The following TASOR2 variants were observed in gnomAD, a reference collection of about 807,000 sequenced individuals.
TASOR2 encodes the protein transcription activation suppressor family member 2.
In TASOR2, 84 loss-of-function variants were observed where a neutral mutation model predicts 199.5. The ratio of observed to expected loss-of-function variants is 0.42; its 90% confidence interval spans 0.35 to 0.50. TASOR2 has a LOEUF of 0.50. TASOR2 is among the 20% of genes least tolerant of loss of function. The pLI is 0.02. For synonymous variants in TASOR2, 1,103 were observed against 1,046.6 expected, an observed-to-expected ratio of 1.05 and a Z score of -1.04; for missense variants, 2,796 against 2,835.9, an observed-to-expected ratio of 0.99 and a Z score of 0.32.
intron 17 of TASOR2, among the ~76,000 whole-genome samples, chr10:5,758,413 T>C (rs2131657913): frequency 6.6e-6 from 1 of 152,238 alleles, no homozygotes; most frequent in South Asian, 2.1e-4. Flanking sequence ...TGGTAGTGTG[T>C]GCCTGTAGTC....
chr10:5,752,191 G>A lies in TASOR2; in HGVS notation c.6606+2164G>A, dbSNP rs1838149931. Among the ~76,000 whole-genome samples, 1 of 152,196 alleles carries A rather than the reference G, an allele frequency of 6.6e-6. No homozygotes were observed. The highest frequency in any genetic ancestry group is 6.5e-5 in the Admixed American group (1 of 15,282). On this transcript the variant is annotated intron_variant, in intron 15 of 20. Transcript: ENST00000328090. The surrounding 1 kb of genome is among the most constrained non-coding windows in gnomAD (Gnocchi z 4.4). ...CCCAACATGTGCAGGTGGGGGGGAT[G>A]TTGCTTTTTTGTCATGATTCTTATA...
chr10:5,722,874 G>A lies in TASOR2; in HGVS notation c.147-803G>A, dbSNP rs1308281305. 6.6e-6 allele frequency among the ~76,000 whole-genome samples: 1 copy of A among 151,332 alleles called. No homozygotes were observed. Among genetic ancestry groups the A allele is most frequent in the Non-Finnish European group, 1.5e-5 (1 of 67,868 alleles). ...AATACAAAAATTAGCTGGGCATGGT[G>A]CGGCATGCTTGTAATCCCAGCTATT... On this transcript the variant is annotated intron_variant, in intron 6 of 20. Coordinates refer to ENST00000328090, the Ensembl canonical transcript of TASOR2. This position sits in a 1 kb window ranked among gnomAD's most constrained non-coding sequence, Gnocchi z 4.0.
chr10:5,706,671 A>G lies in TASOR2; in HGVS notation c.-287-6152A>G, dbSNP rs1202046694. ...CGGTATAAGGAAAGAACTTGACTAC[A>G]CAGTATGGCTCAGCAATGATTAATA... On this transcript the variant is annotated intron_variant, in intron 1 of 20. Coordinates refer to ENST00000328090, the Ensembl canonical transcript of TASOR2. This position sits in a 1 kb window ranked among gnomAD's most constrained non-coding sequence, Gnocchi z 4.8. 6.6e-6 allele frequency among the ~76,000 whole-genome samples: 1 copy of G among 152,242 alleles called. No homozygotes were observed. The highest frequency in any genetic ancestry group is 1.5e-5 in the Non-Finnish European group (1 of 68,040).
At chr10:5,692,168 A>C (rs1836513398) in intron 1 of TASOR2, among the ~76,000 whole-genome samples, 5 of 150,368 alleles carry the variant, frequency 3.3e-5, no homozygotes, top group East Asian at 2.0e-4. Flanking sequence ...AAAAAAAGCC[A>C]TATTCATTAT....
At chr10:5,749,749 C>G in exon 15 of TASOR2, 1 of 1,614,190 alleles carries the variant, frequency 6.2e-7, no homozygotes, top group Non-Finnish European at 8.5e-7. Flanking sequence ...TGATATTTCA[C>G]TTATTCTCAA....
chr10:5,756,920 A>G (rs933924166), intron 16 of TASOR2, among the ~76,000 whole-genome samples, 182 bp downstream of exon 17: 1 of 152,222 alleles, frequency 6.6e-6, no homozygotes, highest in African/African-American at 2.4e-5. Flanking sequence ...TGTAGGGCAG[A>G]TGGTTAAAAA....
At chr10:5,727,631 A>G (rs963467008) in intron 10 of TASOR2, among the ~76,000 whole-genome samples, 11 of 152,188 alleles carry the variant, frequency 7.2e-5, no homozygotes, top group East Asian at 3.9e-4. Flanking sequence ...TTGGAGGTCA[A>G]TATGGGGGAA....
intron 14 of TASOR2, among the ~76,000 whole-genome samples, chr10:5,744,501 C>T (rs1461500189): frequency 1.3e-5 from 2 of 152,058 alleles, no homozygotes; most frequent in Non-Finnish European, 1.5e-5. Flanking sequence ...CAGGGTTTCA[C>T]CATGTTGGCC....
chr10:5,687,995 T>C lies in TASOR2; in HGVS notation c.-288+2820T>C, dbSNP rs1279300163. 1.3e-5 allele frequency among the ~76,000 whole-genome samples: 2 copies of C among 152,226 alleles called. No individual in the cohort carries two copies. The highest frequency in any genetic ancestry group is 2.9e-5 in the Non-Finnish European group (2 of 68,042). On this transcript the variant is annotated intron_variant, in intron 1 of 20. Transcript: ENST00000328090. This position sits in a 1 kb window ranked among gnomAD's most constrained non-coding sequence, Gnocchi z 4.8. The stretch of plus-strand genomic sequence containing the variant: ...ATCTCCCCAAAATTAGTGACAAGAA[T>C]GGGATTTTTGTACATTTTTGCAAAT...
In TASOR2 at chr10:5,740,924, A is replaced by G. The variant is rs958587818; in HGVS notation, c.2327+427A>G. Among the ~76,000 whole-genome samples, 1 of 152,242 alleles carries G rather than the reference A, an allele frequency of 6.6e-6. No individual in the cohort carries two copies. The highest frequency in any genetic ancestry group is 1.5e-5 in the Non-Finnish European group (1 of 68,036). ...GATTGATAGGAGTAAGCAGTTTCAC[A>G]TAAGATTGTTCTATAGATCTCCCTT... On this transcript the variant is annotated intron_variant, in intron 13 of 20. Transcript: ENST00000328090. The surrounding 1 kb of genome is among the most constrained non-coding windows in gnomAD (Gnocchi z 5.3).
At position 5,754,887 on chromosome 10, in the gene TASOR2, C is replaced by T. The variant is rs1238556014; in HGVS notation, c.6607-1726C>T. Among the ~76,000 whole-genome samples, 3 of 151,164 alleles carry T rather than the reference C, an allele frequency of 2.0e-5. No individual in the cohort carries two copies. The highest frequency in any genetic ancestry group is 2.1e-4 in the South Asian group (1 of 4,734). ...TGAAACCCCATCTCTACTAAAAATA[C>T]AAAAAGAAATTAGCTGGGCGTGGTG... is the stretch of plus-strand genomic sequence containing the variant. On this transcript the variant is annotated intron_variant, in intron 15 of 20. Transcript: ENST00000328090. The surrounding 1 kb of genome is among the most constrained non-coding windows in gnomAD (Gnocchi z 4.3).
Position 5,754,819 on chromosome 10 carries a change from G to T in TASOR2, c.6607-1794G>T, listed in dbSNP as rs1299614746. Among the ~76,000 whole-genome samples the T allele has an allele frequency of 6.6e-6, 1 of 151,864 alleles. No individual in the cohort carries two copies. Among genetic ancestry groups the T allele is most frequent in the Non-Finnish European group, 1.5e-5 (1 of 67,944 alleles). On this transcript the variant is annotated intron_variant, in intron 15 of 20. Transcript: ENST00000328090. This position sits in a 1 kb window ranked among gnomAD's most constrained non-coding sequence, Gnocchi z 4.3. ...AGCACTTTGGGAGGCCGAGGTGGGC[G>T]GATCACAAGGTCAGGAGATTGAGAC...
chr10:5,729,897 G>T (rs1588768728), intron 10 of TASOR2, among the ~76,000 whole-genome samples: 2 of 152,232 alleles, frequency 1.3e-5, no homozygotes, highest in Middle Eastern at 3.4e-3. Flanking sequence ...CAAAGCAGGA[G>T]AGGAGGTGAA....
exon 15 of TASOR2, chr10:5,749,050 C>A: frequency 6.2e-7 from 1 of 1,614,160 alleles, no homozygotes; most frequent in Non-Finnish European, 8.5e-7. Flanking sequence ...CAACAACAAC[C>A]AAGAGGACTG....
intron 17 of TASOR2, among the ~76,000 whole-genome samples, chr10:5,758,486 T>C (rs974895561): frequency 6.6e-6 from 1 of 152,122 alleles, no homozygotes; most frequent in Non-Finnish European, 1.5e-5. Flanking sequence ...TATAGTGAGC[T>C]GAGATCATGC....
rs866171985 is a variant in TASOR2 at position 5,714,502 on chromosome 10, G to C, written c.-192+1584G>C. 3.1e-4 allele frequency: 75 copies of C among 243,422 alleles called. 1 individual carries two copies. The highest frequency in any genetic ancestry group is 1.3e-3 in the Middle Eastern group (1 of 772). 15.1% of individuals were successfully genotyped at this position (243,422 alleles called of 1,614,324 possible). The stretch of plus-strand genomic sequence containing the variant: ...CGAACTTGGCAACTATGGAATGTGA[G>C]GGGTAAGAGAGGAAATAATCAAATA... On this transcript the variant is annotated intron_variant, in intron 2 of 20. Transcript: ENST00000328090.
chr10:5,723,014 A>C (rs894826586), intron 6 of TASOR2, among the ~76,000 whole-genome samples: 1 of 151,120 alleles, frequency 6.6e-6, no homozygotes, highest in Non-Finnish European at 1.5e-5. Context: ...TCTCACACAC[A>C]AAAAAAGGAA....
chr10:5,702,733 C>T (rs939151136), intron 1 of TASOR2, among the ~76,000 whole-genome samples: 3 of 133,044 alleles, frequency 2.3e-5, no homozygotes, highest in African/African-American at 8.7e-5. Flanking sequence ...AAAAAGAAAA[C>T]CGATTCCGTA....
chr10:5,725,693 A>G (rs572846855), intron 8 of TASOR2, among the ~76,000 whole-genome samples: 1 of 152,214 alleles, frequency 6.6e-6, no homozygotes, highest in East Asian at 1.9e-4. Flanking sequence ...AGGTGGGAGG[A>G]TAGCTTGAGC....
Sources: gnomAD v4.1 joint callset for allele counts (sites outside exome capture counted in the v4.1 genomes callset) on GRCh38, gnomAD v4.1.1 for gene constraint, Gnocchi (gnomAD v3.1) non-coding constraint, MANE v1.5 for transcripts, NCBI Gene and HGNC (gene_info 2026-07-23, HGNC 2026-07-21) for gene names.